POTEI: variants seen among roughly 807,000 people sequenced by gnomAD.
POTEI encodes POTE ankyrin domain family member I.
In POTEI, 14 loss-of-function variants were observed where a neutral mutation model predicts 43.4. The observed-to-expected ratio is 0.32, with a 90% CI of 0.21 to 0.50. The LOEUF (loss-of-function observed/expected upper bound fraction) is 0.50, where lower values mean the gene tolerates loss of function less well. Ranked by LOEUF, POTEI falls within the 20% of genes least tolerant of loss-of-function variation. POTEI has a pLI of 0.98. For missense variants in POTEI, 235 were observed against 795.4 expected (o/e 0.30, Z 8.47); for synonymous variants, 95 against 297.9 (o/e 0.32, Z 7.01).
intron 6 of POTEI, among the ~76,000 whole-genome samples, chr2:130,491,532 GCAA>G (rs1352966556): frequency 8.1e-6 from 1 of 123,490 alleles, no homozygotes; most frequent in Non-Finnish European, 1.7e-5. Context: ...CCTGTTTTCT[GCAA>G]CAATAGTACC....
At position 130,504,963 on chromosome 2, in the gene POTEI, A is replaced by G. The variant is rs534204841; in HGVS notation, c.522-1069T>C. Among the ~76,000 whole-genome samples, 623 of 103,336 alleles carry G rather than the reference A, an allele frequency of 6.0e-3. 21 individuals carry two copies. Among genetic ancestry groups the G allele is most frequent in the African/African-American group, 0.017 (491 of 29,680 alleles). The allele number at this position is 103,336 out of a possible 152,430, so 67.8% of individuals were successfully genotyped here. On this transcript the variant is annotated intron_variant, in intron 1 of 14. Transcript: ENST00000451531. ...TGTGCTGGATGTGCAGGTTTGTTAC[A>G]TAGGTAAATGTGCACCAAGGGTGTT...
intron 8 of POTEI, among the ~76,000 whole-genome samples, chr2:130,488,587 C>T (rs1373571762): frequency 7.9e-6 from 1 of 126,894 alleles, no homozygotes; most frequent in Non-Finnish European, 1.7e-5. Context: ...CTGTCTTTAC[C>T]ACCTAGATTT....
At chr2:130,477,882 G>C (rs1206249054) in intron 10 of POTEI, among the ~76,000 whole-genome samples, 2 of 140,380 alleles carry the variant, frequency 1.4e-5, no homozygotes, top group Admixed American at 1.4e-4. Flanking sequence ...GCCTGAAAGA[G>C]TGAAAGTATT....
rs949902164 is a variant in POTEI at position 130,460,154 on chromosome 2, G to C, written c.*2662C>G. On this transcript the variant is annotated 3_prime_UTR_variant, in exon 15 of 15. Coordinates refer to ENST00000451531, the MANE Select transcript of POTEI (RefSeq NM_001277406.2). ...CGGAAGCTATGGTGTGGGCATCTAA[G>C]AGTGCCCCGTAAGCAGGTGTGGCCA... 2.0e-5 allele frequency: 3 copies of C among 150,844 alleles called. No individual in the cohort carries two copies. Among genetic ancestry groups the C allele is most frequent in the Non-Finnish European group, 4.4e-5 (3 of 68,174 alleles). 9.3% of individuals were successfully genotyped at this position (150,844 alleles called of 1,614,324 possible).
rs1376156216 is a variant in POTEI, at chr2:130,461,116, G to A, written c.*1700C>T. The A allele has an allele frequency of 6.6e-6, 1 of 151,670 alleles. No homozygotes were observed. The highest frequency in any genetic ancestry group is 1.5e-5 in the Non-Finnish European group (1 of 68,010). 9.4% of individuals were successfully genotyped at this position (151,670 alleles called of 1,614,324 possible). ...GCCAATCTGAACACACCTATAAGAT[G>A]TGGCTGGAGGCAAGTTGAGAAGTCT... is the stretch of plus-strand genomic sequence containing the variant. On this transcript the variant is annotated 3_prime_UTR_variant, in exon 15 of 15. Coordinates refer to ENST00000451531, the MANE Select transcript of POTEI (RefSeq NM_001277406.2).
At position 130,507,394 on chromosome 2, in the gene POTEI, A is replaced by G. The variant is rs200878883; in HGVS notation, c.521+1321T>C. On this transcript the variant is annotated intron_variant, in intron 1 of 14. Transcript: ENST00000451531. ...TATGTATATATACATATGTATATAT[A>G]TGTATATATGTGTATATATATGTAT... is the stretch of plus-strand genomic sequence containing the variant. Among the ~76,000 whole-genome samples the G allele has an allele frequency of 6.5e-4, 10 of 15,326 alleles. No individual in the cohort carries two copies. The East Asian group carries it at 0.016, about 24-fold the overall frequency. The allele number at this position is 15,326 out of a possible 152,430, so 10.1% of individuals were successfully genotyped here.
intron 6 of POTEI, among the ~76,000 whole-genome samples, chr2:130,491,713 C>T (rs1247800087): frequency 4.2e-4 from 41 of 96,686 alleles, no homozygotes; most frequent in Admixed American, 5.0e-4. Flanking sequence ...AGTGCAGTGG[C>T]GCAATCTCAG....
At chr2:130,480,485 T>A (rs1370893217) in intron 10 of POTEI, among the ~76,000 whole-genome samples, 2 of 150,390 alleles carry the variant, frequency 1.3e-5, no homozygotes, top group East Asian at 4.0e-4. Flanking sequence ...AAACGGGCAA[T>A]CTCATTAGAT....
At chr2:130,493,848 C>CA (rs1558891678) in intron 6 of POTEI, among the ~76,000 whole-genome samples, 1 of 35,758 alleles carries the variant, frequency 2.8e-5, no homozygotes, top group African/African-American at 8.6e-5. Context: ...AGCATATCAC[C>CA]AAAAAAACAA....
chr2:130,470,622 G>A (rs1217225659), intron 13 of POTEI, among the ~76,000 whole-genome samples: 1 of 7,706 alleles, frequency 1.3e-4, no homozygotes, highest in African/African-American at 1.4e-4. Context: ...CAAGCCTGAC[G>A]CGTCCTGATG....
Position 130,463,800 on chromosome 2 carries a change from A to C in POTEI, c.2244T>G (p.His748Gln). 1.3e-6 allele frequency: 2 copies of C among 1,536,388 alleles called. No homozygotes were observed. The highest frequency in any genetic ancestry group is 1.7e-6 in the Non-Finnish European group (2 of 1,148,350). ...CCTTGCCCACATAGGACTCTTTCTG[A>C]TGCATGCCCCCCATCATGCCCTGCT... ...PRQQGMMGGM[H>Q]QKESYVGKEA... Residue 748 changes from histidine to glutamine, a missense_variant, in exon 15 of 15, where the codon CAT becomes CAG. Coordinates refer to ENST00000451531, the MANE Select transcript of POTEI (RefSeq NM_001277406.2).
intron 10 of POTEI, among the ~76,000 whole-genome samples, chr2:130,477,091 C>T (rs576675440): frequency 7.3e-5 from 11 of 150,824 alleles, no homozygotes; most frequent in East Asian, 3.9e-4. Context: ...TAGTGTACAA[C>T]GTCTTCCTAA....
At chr2:130,477,387 T>C (rs1683237076) in intron 10 of POTEI, among the ~76,000 whole-genome samples, 1 of 148,642 alleles carries the variant, frequency 6.7e-6, no homozygotes, top group African/African-American at 2.5e-5. Flanking sequence ...CCTGACCTCG[T>C]GATCCCCTCT....
At chr2:130,477,391 C>T (rs2458857) in intron 10 of POTEI, among the ~76,000 whole-genome samples, 158 of 143,476 alleles carry the variant, frequency 1.1e-3, no homozygotes, top group Admixed American at 2.2e-3. Flanking sequence ...ACCTCGTGAT[C>T]CCCTCTGAAA....
intron 14 of POTEI, among the ~76,000 whole-genome samples, chr2:130,464,756 G>A (rs1323145998): frequency 1.4e-5 from 2 of 147,400 alleles, no homozygotes; most frequent in South Asian, 2.1e-4. Context: ...GTACACATCT[G>A]TATCTAGGCA....
chr2:130,486,910 A>T (rs1354958535), intron 9 of POTEI, among the ~76,000 whole-genome samples: 7 of 124,008 alleles, frequency 5.6e-5, no homozygotes, highest in Admixed American at 4.2e-4. Flanking sequence ...TGAAACGTTT[A>T]TATTAAATAC....
chr2:130,468,885 C>T (rs1391887890), intron 13 of POTEI, among the ~76,000 whole-genome samples: 2 of 152,052 alleles, frequency 1.3e-5, no homozygotes, highest in Non-Finnish European at 2.9e-5. Context: ...ATTGTAACAA[C>T]TTTTTAATGA....
At chr2:130,467,355 A>G (rs1682860893) in intron 13 of POTEI, among the ~76,000 whole-genome samples, 1 of 96,958 alleles carries the variant, frequency 1.0e-5, no homozygotes. Flanking sequence ...CAACTCAGAA[A>G]TAAAGCCACT....
At position 130,462,112 on chromosome 2, in the gene POTEI, CG is replaced by C. The variant is rs1172467779; in HGVS notation, c.*703del. The C allele has an allele frequency of 2.3e-5, 3 of 131,858 alleles. No homozygotes were observed. Among genetic ancestry groups the C allele is most frequent in the African/African-American group, 8.2e-5 (3 of 36,470 alleles). The allele number at this position is 131,858 out of a possible 1,614,324, so 8.2% of individuals were successfully genotyped here. A position where few individuals can be genotyped will look rare whatever the true frequency, so the allele number is the denominator to read the frequency against. On this transcript the variant is annotated 3_prime_UTR_variant, in exon 15 of 15. Coordinates refer to ENST00000451531, the MANE Select transcript of POTEI (RefSeq NM_001277406.2). ...AATGACGTAATTGAATTTCCATTTC[CG>C]GTGTTTCCTCGTTGTGTCTTACATT...
Sources: gnomAD v4.1 joint callset for allele counts (sites outside exome capture counted in the v4.1 genomes callset) on GRCh38, gnomAD v4.1.1 for gene constraint, MANE v1.5 for transcripts, NCBI Gene and HGNC (gene_info 2026-07-23, HGNC 2026-07-21) for gene names.